The following FUT8 variants were observed in gnomAD, a reference collection of about 807,000 sequenced individuals.
FUT8 encodes alpha-(1,6)-fucosyltransferase.
Under a neutral mutation model 71.3 loss-of-function variants are expected in FUT8, and 29 were observed. That is an observed-to-expected ratio of 0.41 (90% confidence interval 0.30 to 0.55). The LOEUF (loss-of-function observed/expected upper bound fraction) is 0.55, where lower values mean the gene tolerates loss of function less well. Among genes scored for constraint, FUT8 ranks in the 20% least tolerant of loss-of-function variants. The pLI is 0.34. For synonymous variants in FUT8, 254 were observed against 239.3 expected (o/e 1.06, Z -0.57); for missense variants, 544 against 702.1 (o/e 0.77, Z 2.55).
chr14:65,464,444 C>T (rs569761071), intron 2 of FUT8, among the ~76,000 whole-genome samples: 2 of 151,912 alleles, frequency 1.3e-5, no homozygotes, highest in Non-Finnish European at 2.9e-5. Flanking sequence ...CCTGATCCTA[C>T]GGGGAAAGGA....
intron 5 of FUT8, among the ~76,000 whole-genome samples, chr14:65,629,283 C>T (rs112614193): frequency 4.3e-4 from 66 of 152,284 alleles, no homozygotes; most frequent in African/African-American, 1.6e-3. Context: ...TATATTTTCT[C>T]AACAGTGAAA....
intron 9 of FUT8, among the ~76,000 whole-genome samples, chr14:65,728,311 A>G (rs1316705315): frequency 6.6e-6 from 1 of 152,238 alleles, no homozygotes; most frequent in Non-Finnish European, 1.5e-5. Context: ...TACAAAAGAA[A>G]GAGGTTTAAT....
At chr14:65,543,635 T>C (rs1884818625) in intron 2 of FUT8, among the ~76,000 whole-genome samples, 1 of 152,138 alleles carries the variant, frequency 6.6e-6, no homozygotes. Context: ...CAGTTTTGTT[T>C]TGGAGCCTAC....
At chr14:65,491,107 A>G (rs2139721608) in intron 2 of FUT8, among the ~76,000 whole-genome samples, 1 of 152,264 alleles carries the variant, frequency 6.6e-6, no homozygotes, top group Middle Eastern at 3.4e-3. Flanking sequence ...TATATAGGAC[A>G]TGGTTCTTAC....
chr14:65,528,436 G>A (rs1444844079), intron 2 of FUT8, among the ~76,000 whole-genome samples: 1 of 152,202 alleles, frequency 6.6e-6, no homozygotes, highest in Non-Finnish European at 1.5e-5. Flanking sequence ...CGATTTTCCA[G>A]TGTCATCTGT....
intron 6 of FUT8, among the ~76,000 whole-genome samples, chr14:65,640,063 C>G (rs1890754302): frequency 6.6e-6 from 1 of 151,792 alleles, no homozygotes; most frequent in South Asian, 2.1e-4. Flanking sequence ...CTTTTTCTTC[C>G]TGGAATGGAA....
upstream of FUT8, chr14:65,412,122 G>A (rs1191401309): frequency 4.4e-6 from 2 of 455,004 alleles, no homozygotes; most frequent in Non-Finnish European, 8.8e-6. Flanking sequence ...TCGAACTCAG[G>A]CCCTCGTGGG....
chr14:65,688,759 A>T (rs1277037545), intron 7 of FUT8, among the ~76,000 whole-genome samples: 1 of 152,174 alleles, frequency 6.6e-6, no homozygotes, highest in Non-Finnish European at 1.5e-5. Flanking sequence ...TGGCAAAACT[A>T]TGTTTAGCTT....
chr14:65,741,168 G>A (rs1316548612), intron 10 of FUT8, among the ~76,000 whole-genome samples: 3 of 151,806 alleles, frequency 2.0e-5, no homozygotes, highest in Non-Finnish European at 4.4e-5. Flanking sequence ...AGCTCAGATT[G>A]TGGAATTTCA....
At chr14:65,386,492 A>G in the FUT8 span, among the ~76,000 whole-genome samples, 1 of 129,168 alleles carries the variant, frequency 7.7e-6, no homozygotes, top group Non-Finnish European at 1.6e-5. Flanking sequence ...CCACAGAGTG[A>G]GACCTCGTCT....
At chr14:65,395,716 G>A in the FUT8 span, among the ~76,000 whole-genome samples, 1 of 152,248 alleles carries the variant, frequency 6.6e-6, no homozygotes, top group Non-Finnish European at 1.5e-5. Context: ...TGCCACAGAT[G>A]GCTCTGACAT....
At chr14:65,726,893 CA>C (rs1234378423) in intron 9 of FUT8, among the ~76,000 whole-genome samples, 1 of 152,114 alleles carries the variant, frequency 6.6e-6, no homozygotes, top group African/African-American at 2.4e-5. Flanking sequence ...TGGATAAATA[CA>C]GCCATTACAA....
chr14:65,737,679 T>G (rs764137059), intron 10 of FUT8, among the ~76,000 whole-genome samples: 9 of 152,154 alleles, frequency 5.9e-5, no homozygotes, highest in Non-Finnish European at 1.2e-4. Context: ...AGATGCTCAC[T>G]TTAAAGACTA....
chr14:65,530,878 T>C (rs1235663927), intron 2 of FUT8, among the ~76,000 whole-genome samples: 2 of 150,374 alleles, frequency 1.3e-5, no homozygotes, highest in Non-Finnish European at 3.0e-5. Context: ...CAGAATTTGA[T>C]GTAACAACAC....
At chr14:65,484,321 A>G (rs910509447) in intron 2 of FUT8, among the ~76,000 whole-genome samples, 5 of 152,146 alleles carry the variant, frequency 3.3e-5, no homozygotes, top group Admixed American at 2.0e-4. Flanking sequence ...CTTGTTTCTA[A>G]TCTTAGGGGG....
the FUT8 span, among the ~76,000 whole-genome samples, chr14:65,379,622 G>A: frequency 6.6e-6 from 1 of 152,184 alleles, no homozygotes; most frequent in African/African-American, 2.4e-5. Flanking sequence ...CCAGGATCCA[G>A]TCTCCACAGC....
In FUT8 at chr14:65,672,618, C is replaced by T. The variant is rs188399333; in HGVS notation, c.835+3138C>T. 2.8e-3 allele frequency among the ~76,000 whole-genome samples: 426 copies of T among 152,166 alleles called. No homozygotes were observed. In the Middle Eastern group the frequency reaches 0.034, roughly 12 times the overall value. On this transcript the variant is annotated intron_variant, in intron 7 of 10. Transcript: ENST00000673929. ...GGGACTACAGGCATGCTCCATCATG[C>T]CCAGCTAGTTATTTTATTTTTTATT...
chr14:65,424,698 T>C (rs2065356775), intron 1 of FUT8, among the ~76,000 whole-genome samples: 2 of 152,000 alleles, frequency 1.3e-5, no homozygotes, highest in Non-Finnish European at 2.9e-5. Context: ...TCTCACTCTG[T>C]CACTCAGGCT....
chr14:65,673,037 TC>T (rs1892544375), intron 7 of FUT8, among the ~76,000 whole-genome samples: 1 of 152,364 alleles, frequency 6.6e-6, no homozygotes, highest in African/African-American at 2.4e-5. Flanking sequence ...TAAACTGAAT[TC>T]TTAATATGAT....
Sources: gnomAD v4.1 joint callset for allele counts (sites outside exome capture counted in the v4.1 genomes callset) on GRCh38, gnomAD v4.1.1 for gene constraint, MANE v1.5 for transcripts, NCBI Gene and HGNC (gene_info 2026-07-23, HGNC 2026-07-21) for gene names.